FBXL17: variants seen among roughly 807,000 people sequenced by gnomAD.
The protein encoded by FBXL17 is F-box and leucine rich repeat protein 17, also known as F-box/LRR-repeat protein 17.
Under a neutral mutation model 66.2 loss-of-function variants are expected in FBXL17, and 22 were observed. That is an observed-to-expected ratio of 0.33 (90% confidence interval 0.24 to 0.47). The LOEUF is 0.47. Ranked by LOEUF, FBXL17 falls within the 20% of genes least tolerant of loss-of-function variation. The pLI, the probability that FBXL17 is intolerant of heterozygous loss-of-function variation, is 1.00. For missense variants in FBXL17, 878 were observed against 948.2 expected (o/e 0.93, Z 0.97); for synonymous variants, 474 against 400.5 (o/e 1.18, Z -2.19).
At chr5:108,188,076 T>C (rs547560503) in intron 5 of FBXL17, among the ~76,000 whole-genome samples, 1 of 152,330 alleles carries the variant, frequency 6.6e-6, no homozygotes, top group East Asian at 1.9e-4. Context: ...TATATCTGCA[T>C]GTGGCTAACA....
chr5:108,048,341 T>A (rs1458844737), intron 6 of FBXL17, among the ~76,000 whole-genome samples: 1 of 152,134 alleles, frequency 6.6e-6, no homozygotes, highest in Non-Finnish European at 1.5e-5. Context: ...GACAAACTCA[T>A]GAAGATGAGA....
rs557935406 is a variant in FBXL17, at chr5:107,966,496, C to T, written c.1822+54429G>A. ...TCAGGAGATCCAGTTGTAACTTACA[C>T]ATACTTTTCAAGCAATCCCTGTTTC... On this transcript the variant is annotated intron_variant, in intron 7 of 8. Coordinates refer to ENST00000542267, the MANE Select transcript of FBXL17 (RefSeq NM_001163315.3). Among the ~76,000 whole-genome samples, 4 of 152,114 alleles carry T rather than the reference C, an allele frequency of 2.6e-5. No homozygotes were observed. The East Asian group carries it at 7.7e-4, about 29-fold the overall frequency.
intron 4 of FBXL17, among the ~76,000 whole-genome samples, chr5:108,340,757 G>C (rs1198798016): frequency 6.6e-6 from 1 of 152,102 alleles, no homozygotes. Flanking sequence ...ATTTTTTAAA[G>C]CATGCACAAT....
chr5:107,956,947 A>G (rs1217419492), intron 7 of FBXL17, among the ~76,000 whole-genome samples: 2 of 152,202 alleles, frequency 1.3e-5, no homozygotes, highest in Admixed American at 1.3e-4. Context: ...CTCAGTGCTC[A>G]ACTCTAGGCA....
At chr5:108,371,298 C>T (rs555247076) in intron 1 of FBXL17, among the ~76,000 whole-genome samples, 1 of 152,284 alleles carries the variant, frequency 6.6e-6, no homozygotes, top group Admixed American at 6.5e-5. Flanking sequence ...AAAGAATTCC[C>T]ACTACTGTTT....
At chr5:108,328,500 A>C (rs1018978265) in intron 4 of FBXL17, among the ~76,000 whole-genome samples, 4 of 152,100 alleles carry the variant, frequency 2.6e-5, no homozygotes, top group African/African-American at 9.6e-5. Context: ...GTGATGGGAA[A>C]AAATGAAAAG....
chr5:107,903,068 C>A (rs1427977271), intron 7 of FBXL17, among the ~76,000 whole-genome samples: 3 of 152,062 alleles, frequency 2.0e-5, no homozygotes, highest in African/African-American at 7.2e-5. Context: ...ACTAATAAAT[C>A]ATTTAGATTT....
intron 4 of FBXL17, among the ~76,000 whole-genome samples, chr5:108,248,628 C>T (rs1756214614): frequency 6.6e-6 from 1 of 151,860 alleles, no homozygotes; most frequent in Admixed American, 6.6e-5. Context: ...ATGAAAAACC[C>T]AAAGAAATAC....
chr5:108,364,616 T>C, intron 3 of FBXL17, 122 bp downstream of exon 3: 4 of 741,464 alleles, frequency 5.4e-6, no homozygotes, highest in Non-Finnish European at 8.8e-6. Flanking sequence ...CATTAATAGG[T>C]AAAAAAGATG....
chr5:108,323,954 T>A (rs2150224342), intron 4 of FBXL17, among the ~76,000 whole-genome samples: 1 of 152,144 alleles, frequency 6.6e-6, no homozygotes, highest in Admixed American at 6.6e-5. Context: ...ACGGAAGACC[T>A]AAAACATATG....
chr5:107,958,798 ATC>A (rs1751770650), intron 7 of FBXL17, among the ~76,000 whole-genome samples: 2 of 152,228 alleles, frequency 1.3e-5, no homozygotes, highest in African/African-American at 2.4e-5. Flanking sequence ...TCTCAGAAAT[ATC>A]TAAGTTAAAA....
chr5:108,300,562 G>T (rs1758542632), intron 4 of FBXL17, among the ~76,000 whole-genome samples: 3 of 151,604 alleles, frequency 2.0e-5, no homozygotes, highest in South Asian at 2.1e-4. Flanking sequence ...TCCACATGAA[G>T]ATTTTCTACT....
chr5:107,937,101 T>A (rs565758689), intron 7 of FBXL17, among the ~76,000 whole-genome samples: 4 of 152,012 alleles, frequency 2.6e-5, no homozygotes, highest in Non-Finnish European at 5.9e-5. Context: ...AAAGTCAAGA[T>A]AAAACCTGGG....
At chr5:108,075,737 A>G (rs902591808) in intron 6 of FBXL17, among the ~76,000 whole-genome samples, 54 of 152,276 alleles carry the variant, frequency 3.5e-4, no homozygotes, top group Middle Eastern at 3.4e-3. Context: ...TCGGCCTCCC[A>G]AAGTGCTGGG....
intron 4 of FBXL17, among the ~76,000 whole-genome samples, chr5:108,247,324 T>C (rs1412392483): frequency 6.6e-6 from 1 of 151,226 alleles, no homozygotes; most frequent in Non-Finnish European, 1.5e-5. Context: ...GGGACCATTG[T>C]AAAGAAAAAA....
chr5:108,359,422 A>G (rs183869924), intron 3 of FBXL17, among the ~76,000 whole-genome samples: 274 of 152,146 alleles, frequency 1.8e-3, no homozygotes, highest in African/African-American at 6.0e-3. Flanking sequence ...TTTTTAATGT[A>G]AGATTGTACA....
At chr5:107,984,648 A>G (rs1345135414) in intron 7 of FBXL17, among the ~76,000 whole-genome samples, 1 of 152,246 alleles carries the variant, frequency 6.6e-6, no homozygotes, top group Non-Finnish European at 1.5e-5. Flanking sequence ...AAAGTCAAAT[A>G]AAAATTAAAA....
At chr5:108,201,499 C>T (rs1753892987) in intron 5 of FBXL17, among the ~76,000 whole-genome samples, 1 of 151,698 alleles carries the variant, frequency 6.6e-6, no homozygotes, top group Admixed American at 6.6e-5. Flanking sequence ...AAAGCAATTG[C>T]CTATAACTAT....
At position 108,161,484 on chromosome 5, in the gene FBXL17, T is replaced by A. The variant is rs1249483349; in HGVS notation, c.1745+24633A>T. On this transcript the variant is annotated intron_variant, in intron 6 of 8. Transcript: ENST00000542267. ...CTGGGCGACAGCGGAAGACTCTGTC[T>A]CAAACAAACAAACAAAAAAACCCAC... Among the ~76,000 whole-genome samples, 11 of 150,516 alleles carry A rather than the reference T, an allele frequency of 7.3e-5. No homozygotes were observed. In the East Asian group the frequency reaches 2.2e-3, roughly 30 times the overall value.
Sources: allele counts gnomAD v4.1 joint callset (sites outside exome capture counted in the v4.1 genomes callset), GRCh38; gene constraint gnomAD v4.1.1; transcripts MANE v1.5; gene names NCBI Gene and HGNC (gene_info 2026-07-23, HGNC 2026-07-21).